Variants in ZNF335 observed in about 807,000 individuals in gnomAD.
ZNF335 encodes the protein NRC-interacting factor 1.
In ZNF335, 84 loss-of-function variants were observed where a neutral mutation model predicts 145.6. The ratio of observed to expected loss-of-function variants is 0.58; its 90% confidence interval spans 0.48 to 0.69. The LOEUF is 0.69. Ranked by LOEUF, ZNF335 falls within the 30% of genes least tolerant of loss-of-function variation. The pLI is 0.00. For synonymous variants in ZNF335, 761 were observed against 717.0 expected (o/e 1.06, Z -0.98); for missense variants, 1,865 against 1,809.7 (o/e 1.03, Z -0.55).
chr20:45,972,076 C>T, intron 1 of ZNF335, 46 bp downstream of exon 1: 2 of 1,286,090 alleles, frequency 1.6e-6, no homozygotes, highest in Non-Finnish European at 2.0e-6. Context: ...TGACCTCACT[C>T]CACGGCAGGG....
At chr20:45,969,249 G>A (rs904219556) in intron 3 of ZNF335, among the ~76,000 whole-genome samples, 2 of 152,242 alleles carry the variant, frequency 1.3e-5, no homozygotes, top group African/African-American at 4.8e-5. Context: ...TTGAGAGTCT[G>A]TCATGCCAGG....
In ZNF335 at chr20:45,967,557, C is replaced by G; in HGVS notation, c.892G>C (p.Glu298Gln). ...TCATCGTCCTCCTCCTCTGGTCCCT[C>G]TTCCTCTTGGCTCTTGGTGGAGGTG... is the stretch of plus-strand genomic sequence containing the variant. ...WSTSTKSQEE[E>Q]GPEEEDDDDI... Residue 298 changes from glutamate to glutamine, a missense_variant, in exon 6 of 28, where the codon GAG becomes CAG. By Grantham distance (29) the Glu-to-Gln change is conservative (BLOSUM62 2). Transcript: ENST00000322927. The G allele has an allele frequency of 6.2e-7, 1 of 1,614,118 alleles. No homozygotes were observed. The highest frequency in any genetic ancestry group is 1.1e-5 in the South Asian group (1 of 91,084).
chr20:45,950,680 G>A, intron 20 of ZNF335, 85 bp from the exon 21 acceptor site: 1 of 1,571,852 alleles, frequency 6.4e-7, no homozygotes, highest in Admixed American at 1.8e-5. Context: ...AGCTGGTCAG[G>A]GAACCAGACA....
In ZNF335 at chr20:45,960,060, T is replaced by A. The variant is rs1167211878; in HGVS notation, c.2020+148A>T. On this transcript the variant is annotated intron_variant, in intron 14 of 27. Transcript: ENST00000322927. Reference sequence around the variant, plus strand: ...GCTCAGGTTAGGGTGAATACGCCTATGGGAAATTCTCTTTACACTTGAAGG... The same window carrying A: ...GCTCAGGTTAGGGTGAATACGCCTAAGGGAAATTCTCTTTACACTTGAAGG... 16 of 944,574 alleles carry A rather than the reference T, an allele frequency of 1.7e-5. No homozygotes were observed. The East Asian group carries it at 1.9e-4, about 11-fold the overall frequency. The allele number at this position is 944,574 out of a possible 1,614,324, so 58.5% of individuals were successfully genotyped here.
At chr20:45,955,988 G>A (rs573530671) in intron 17 of ZNF335, among the ~76,000 whole-genome samples, 1 of 152,154 alleles carries the variant, frequency 6.6e-6, no homozygotes, top group African/African-American at 2.4e-5. Flanking sequence ...AGGAGAATAA[G>A]GGTAACTGCA....
intron 17 of ZNF335, among the ~76,000 whole-genome samples, chr20:45,955,610 G>C (rs983566167): frequency 2.6e-5 from 4 of 152,028 alleles, no homozygotes; most frequent in Non-Finnish European, 4.4e-5. Context: ...CTTGAGGTCA[G>C]GAGTTCGAAA....
At chr20:45,971,781 G>C (rs2084073396) in intron 1 of ZNF335, 2 of 985,288 alleles carry the variant, frequency 2.0e-6, no homozygotes, top group Non-Finnish European at 2.4e-6. Flanking sequence ...CGGCCCCCGC[G>C]TCCCCCCGGG....
intron 20 of ZNF335, among the ~76,000 whole-genome samples, 174 bp downstream of exon 20, chr20:45,951,972 TC>T (rs2083641430): frequency 6.6e-6 from 1 of 152,216 alleles, no homozygotes; most frequent in Non-Finnish European, 1.5e-5. Context: ...GTGGTTTGCC[TC>T]CCCACCAGAC....
chr20:45,954,776 T>G, intron 17 of ZNF335, among the ~76,000 whole-genome samples: 1 of 145,450 alleles, frequency 6.9e-6, no homozygotes, highest in Admixed American at 6.8e-5. Flanking sequence ...ATTACTTTTT[T>G]TTTTTTTTTT....
chr20:45,951,769 CCT>C (rs1316660330), intron 20 of ZNF335, among the ~76,000 whole-genome samples: 2 of 152,166 alleles, frequency 1.3e-5, no homozygotes, highest in Non-Finnish European at 2.9e-5. Context: ...GTTGGGCACC[CCT>C]GTTCTAGACG....
chr20:45,960,874 C>A lies in ZNF335; in HGVS notation c.1655G>T (p.Arg552Met). 6.2e-7 allele frequency: 1 copy of A among 1,613,830 alleles called. No individual in the cohort carries two copies. The highest frequency in any genetic ancestry group is 8.5e-7 in the Non-Finnish European group (1 of 1,179,912). ...AAVHSRDRKK[R>M]PDPTPKLSSF... ...GCACGCCAGACTCACCGGATCTGGC[C>A]TCTTCTTCCTGTGGGGAAAAGGCCG... Residue 552 changes from arginine to methionine, a missense_variant, in exon 11 of 28, where the codon AGG becomes ATG. By Grantham distance (91) the Arg-to-Met change is moderately conservative (BLOSUM62 -1). Coordinates refer to ENST00000322927, the MANE Select transcript of ZNF335 (RefSeq NM_022095.4).
In ZNF335 at chr20:45,959,445, T is replaced by A. The variant is rs1435220078; in HGVS notation, c.2021-12A>T. The A allele has an allele frequency of 7.0e-7, 1 of 1,426,856 alleles. No individual in the cohort carries two copies. The highest frequency in any genetic ancestry group is 2.5e-5 in the Admixed American group (1 of 40,298). The allele number at this position is 1,426,856 out of a possible 1,614,324, so 88.4% of individuals were successfully genotyped here. ...GAAGGGCTTGGCCCCTGGAGGCACATGTTGGGGCATGCTTAAGTCTGCCCG... is the reference window on the plus strand; with the variant it reads ...GAAGGGCTTGGCCCCTGGAGGCACAAGTTGGGGCATGCTTAAGTCTGCCCG... On this transcript the variant is annotated splice_polypyrimidine_tract_variant and intron_variant, in intron 14 of 27. Transcript: ENST00000322927.
At position 45,952,382 on chromosome 20, in the gene ZNF335, T is replaced by G; in HGVS notation, c.2954A>C (p.Asp985Ala). 3 of 1,604,022 alleles carry G rather than the reference T, an allele frequency of 1.9e-6. No individual in the cohort carries two copies. The highest frequency in any genetic ancestry group is 2.6e-6 in the Non-Finnish European group (3 of 1,173,870). Reference sequence around the variant, plus strand: ...AGGTGAGGAGGCAGAGCTCTGGGAGTCCCCTACGCAGTGGGTCTTGGCTGG... The same window carrying G: ...AGGTGAGGAGGCAGAGCTCTGGGAGGCCCCTACGCAGTGGGTCTTGGCTGG... ...PSPAKTHCVG[D>A]SQSSASSPPA... The change falls in exon 20 of 28, where the codon GAC becomes GCC. Residue 985 changes from aspartate (D) to alanine (A), a missense_variant. Asp to Ala is a moderately radical substitution (Grantham distance 126). Transcript: ENST00000322927.
At chr20:45,954,536 C>G (rs1460058560) in intron 17 of ZNF335, among the ~76,000 whole-genome samples, 2 of 152,082 alleles carry the variant, frequency 1.3e-5, no homozygotes, top group Admixed American at 6.6e-5. Context: ...AAGATAAAAC[C>G]TAGAGCAAAA....
At chr20:45,954,395 G>A (rs1362814467) in intron 17 of ZNF335, among the ~76,000 whole-genome samples, 1 of 152,168 alleles carries the variant, frequency 6.6e-6, no homozygotes, top group Non-Finnish European at 1.5e-5. Context: ...AAGCTCCAGT[G>A]TACATCTTAT....
Position 45,950,219 on chromosome 20 carries a change from T to G in ZNF335, c.3487A>C (p.Thr1163Pro), listed in dbSNP as rs778984335. 5 of 1,546,758 alleles carry G rather than the reference T, an allele frequency of 3.2e-6. No individual in the cohort carries two copies. The highest frequency in any genetic ancestry group is 1.3e-5 in the South Asian group (1 of 79,894). Residue 1163 changes from threonine to proline, a missense_variant and splice_region_variant, in exon 22 of 28, where the codon ACT (threonine) becomes CCT (proline). Thr to Pro is a conservative substitution (Grantham distance 38). Coordinates refer to ENST00000322927, the MANE Select transcript of ZNF335 (RefSeq NM_022095.4). Reference protein sequence around the residue: ...SDDETLATLHTALQSSHGVLG... With the variant: ...SDDETLATLHPALQSSHGVLG... ...CCCTGTGGCCCCAGGGGCAGCTCAC[T>G]GTGCAGGGTGGCCAGTGTTTCGTCA...
In ZNF335 at chr20:45,952,293, C is replaced by T. The variant is rs767558077; in HGVS notation, c.3043G>A (p.Ala1015Thr). The change falls in exon 20 of 28, where the codon GCA (alanine) becomes ACA (threonine). Residue 1015 changes from alanine to threonine, a missense_variant. Coordinates refer to ENST00000322927, the MANE Select transcript of ZNF335 (RefSeq NM_022095.4). ...PPSPPSAATA[A>T]SKKFSCKICA... is the part of the protein sequence containing the mutation. ...ATCTTGCAGGAAAACTTCTTTGATG[C>T]AGCAGTGGCTGCAGATGGCGGTGAC... 2.5e-6 allele frequency: 4 copies of T among 1,613,596 alleles called. No individual in the cohort carries two copies. The highest frequency in any genetic ancestry group is 3.4e-6 in the Non-Finnish European group (4 of 1,180,012).
rs2083683465 is a variant in ZNF335, at chr20:45,954,090, A to C, written c.2443-142T>G. 3 of 1,060,698 alleles carry C rather than the reference A, an allele frequency of 2.8e-6. No homozygotes were observed. The Admixed American group carries it at 8.5e-5, about 30-fold the overall frequency. 65.7% of individuals were successfully genotyped at this position (1,060,698 alleles called of 1,614,324 possible). ...CTGCCACCACTCATTTGAATAGCCC[A>C]AGTTCTTTCTAAAATATACTCTGGC... On this transcript the variant is annotated intron_variant, in intron 17 of 27. Transcript: ENST00000322927.
At position 45,957,912 on chromosome 20, in the gene ZNF335, G is replaced by A. The variant is rs758226460; in HGVS notation, c.2270C>T (p.Thr757Ile). 4 of 1,614,068 alleles carry A rather than the reference G, an allele frequency of 2.5e-6. No individual in the cohort carries two copies. Among genetic ancestry groups the A allele is most frequent in the Non-Finnish European group, 2.5e-6 (3 of 1,180,024 alleles). ...GGGAGCCTCAGATGACTGGAAAGTT[G>A]TCGCCTCTGGGGGTATCTATGGGGT... ...PGPPEIPPEA[T>I]TFQSSEAPSL... is the part of the protein sequence containing the mutation. The change falls in exon 16 of 28, where the codon ACA (threonine) becomes ATA (isoleucine). Residue 757 changes from threonine to isoleucine, a missense_variant. By Grantham distance (89) the Thr-to-Ile change is moderately conservative (BLOSUM62 -1). Coordinates refer to ENST00000322927, the MANE Select transcript of ZNF335 (RefSeq NM_022095.4).
Sources: allele counts gnomAD v4.1 joint callset (sites outside exome capture counted in the v4.1 genomes callset), GRCh38; gene constraint gnomAD v4.1.1; transcripts MANE v1.5; gene names NCBI Gene and HGNC (gene_info 2026-07-23, HGNC 2026-07-21).